The following EIF2AK4 variants were observed in gnomAD, a reference collection of about 807,000 sequenced individuals.
EIF2AK4 encodes the protein eIF-2-alpha kinase GCN2.
Under a neutral mutation model 211.1 loss-of-function variants are expected in EIF2AK4, and 139 were observed. The ratio of observed to expected loss-of-function variants is 0.66; its 90% CI spans 0.57 to 0.76. The LOEUF (loss-of-function observed/expected upper bound fraction) is 0.76, where lower values mean the gene tolerates loss of function less well. Ranked by LOEUF, EIF2AK4 falls within the 30% of genes least tolerant of loss-of-function variation. The pLI is 0.00. For missense variants in EIF2AK4, 1,664 were observed against 2,043.8 expected (o/e 0.81, Z 3.58); for synonymous variants, 710 against 751.3 (o/e 0.94, Z 0.90).
chr15:40,019,311 C>A, intron 30 of EIF2AK4, 111 bp downstream of exon 30: 3 of 793,434 alleles, frequency 3.8e-6, no homozygotes, highest in South Asian at 2.0e-5. Context: ...AAGCTATAGA[C>A]GTAGGGTTTT....
In EIF2AK4 at chr15:40,030,378, A is replaced by G; in HGVS notation, c.4581A>G (p.Gly1527=). ...TCTCAGGTTTGTTTGAAATCCATGG[A>G]GCAACAGTGGTTCCCATTGTGAGTG... ...SNASGLFEIH[G]ATVVPIVSVL... The change falls in exon 35 of 39, where the codon GGA becomes GGG. Residue 1527 remains glycine (G), a synonymous_variant. Transcript: ENST00000263791. The G allele has an allele frequency of 1.9e-6, 3 of 1,614,112 alleles. No homozygotes were observed. Among genetic ancestry groups the G allele is most frequent in the Non-Finnish European group, 1.7e-6 (2 of 1,180,026 alleles).
chr15:39,960,635 G>A (rs2034458137), intron 6 of EIF2AK4, among the ~76,000 whole-genome samples: 4 of 152,098 alleles, frequency 2.6e-5, no homozygotes, highest in African/African-American at 7.2e-5. Flanking sequence ...GGTGGTGCAG[G>A]GTTGAGGGAG....
At chr15:39,988,739 G>T (rs780184407) in intron 15 of EIF2AK4, among the ~76,000 whole-genome samples, 3 of 152,182 alleles carry the variant, frequency 2.0e-5, no homozygotes, top group Non-Finnish European at 4.4e-5. Context: ...GGTGGCTCAT[G>T]CCTGTAATCC....
chr15:39,976,932 C>T, intron 12 of EIF2AK4, 88 bp downstream of exon 12: 1 of 1,364,888 alleles, frequency 7.3e-7, no homozygotes, highest in African/African-American at 1.5e-5. Flanking sequence ...TCATTTCCTT[C>T]CTTCCTTCTT....
In EIF2AK4 at chr15:40,013,400, A is replaced by C. The variant is rs542956379; in HGVS notation, c.3759+2054A>C. On this transcript the variant is annotated intron_variant, in intron 27 of 38. Transcript: ENST00000263791. Reference sequence around the variant, plus strand: ...TCTATTAGTCTGCTGTCACACTGCTAATAAAGATATATCCGAGAGTGGGTA... The same window carrying C: ...TCTATTAGTCTGCTGTCACACTGCTCATAAAGATATATCCGAGAGTGGGTA... 1.1e-3 allele frequency among the ~76,000 whole-genome samples: 174 copies of C among 152,306 alleles called. No individual in the cohort carries two copies. The Middle Eastern group carries it at 0.017, about 15-fold the overall frequency.
At chr15:39,990,159 T>C (rs1293647131) in intron 15 of EIF2AK4, 114 bp from the exon 16 acceptor site, 20 of 947,050 alleles carry the variant, frequency 2.1e-5, no homozygotes, top group Non-Finnish European at 2.5e-5. Flanking sequence ...CAGGGTGGTC[T>C]GTGGGAGAAG....
At chr15:39,973,217 G>A (rs1400099187) in intron 10 of EIF2AK4, among the ~76,000 whole-genome samples, 1 of 152,158 alleles carries the variant, frequency 6.6e-6, no homozygotes, top group Non-Finnish European at 1.5e-5. Flanking sequence ...TGGAATGAAT[G>A]TCCATTGCTG....
chr15:40,006,492 G>A (rs73388599), intron 23 of EIF2AK4, among the ~76,000 whole-genome samples: 3,964 of 152,178 alleles, frequency 0.026, 184 homozygotes, highest in African/African-American at 0.091. Context: ...GCCCATCAGT[G>A]GTAATGATAC....
At chr15:39,950,030 T>C (rs1247557011) in intron 4 of EIF2AK4, among the ~76,000 whole-genome samples, 3 of 152,014 alleles carry the variant, frequency 2.0e-5, no homozygotes, top group Non-Finnish European at 4.4e-5. Flanking sequence ...TTTTAAATTT[T>C]TTATTTGTTT....
intron 16 of EIF2AK4, chr15:39,991,840 GT>G (rs2034948705): frequency 5.6e-6 from 1 of 179,074 alleles, no homozygotes; most frequent in Non-Finnish European, 1.2e-5. Context: ...TGAATTTGTT[GT>G]TTTTAATATA....
chr15:40,035,045 G>A lies in EIF2AK4; in HGVS notation c.4911G>A (p.Leu1637=), dbSNP rs780868521. ...TTTGCAGGGTGTCTGTGCTATTTCT[G>A]TACAGCTATAGAGATGACTACTACA... ...KVEKKVSVLF[L]YSYRDDYYRI... Residue 1637 remains leucine, a synonymous_variant, in exon 39 of 39, where the codon CTG becomes CTA. Coordinates refer to ENST00000263791, the MANE Select transcript of EIF2AK4 (RefSeq NM_001013703.4). The A allele has an allele frequency of 6.3e-7, 1 of 1,582,576 alleles. No homozygotes were observed. The highest frequency in any genetic ancestry group is 1.1e-5 in the South Asian group (1 of 87,712).
intron 7 of EIF2AK4, among the ~76,000 whole-genome samples, chr15:39,962,699 G>A (rs931471335): frequency 2.6e-5 from 4 of 152,150 alleles, no homozygotes; most frequent in Non-Finnish European, 1.5e-5. Flanking sequence ...TGACCAAGAA[G>A]ACCACCTTAT....
Position 39,978,161 on chromosome 15 carries a change from T to A in EIF2AK4, c.2319+14T>A, listed in dbSNP as rs1271386374. On this transcript the variant is annotated intron_variant, in intron 13 of 38. Coordinates refer to ENST00000263791, the MANE Select transcript of EIF2AK4 (RefSeq NM_001013703.4). ...AGTCAGAATCAGGTATATATATGAA[T>A]AGAAATTATATCATTTTATTCGTGA... 8.8e-6 allele frequency: 11 copies of A among 1,256,248 alleles called. No individual in the cohort carries two copies. The highest frequency in any genetic ancestry group is 7.0e-5 in the South Asian group (5 of 71,348). 77.8% of individuals were successfully genotyped at this position (1,256,248 alleles called of 1,614,324 possible).
At chr15:39,997,302 G>A (rs2035030828) in intron 19 of EIF2AK4, among the ~76,000 whole-genome samples, 1 of 152,068 alleles carries the variant, frequency 6.6e-6, no homozygotes, top group African/African-American at 2.4e-5. Flanking sequence ...AGCAGTTTTG[G>A]GAGCCAAAGA....
chr15:39,953,325 T>C (rs2034345757), intron 4 of EIF2AK4, among the ~76,000 whole-genome samples: 1 of 152,228 alleles, frequency 6.6e-6, no homozygotes, highest in South Asian at 2.1e-4. Context: ...CTTAATAGTT[T>C]TGATAATTAT....
rs2042580948 is a variant in EIF2AK4, at chr15:40,018,978, T to C, written c.4066-115T>C. 35 of 751,938 alleles carry C rather than the reference T, an allele frequency of 4.7e-5. 1 individual carries two copies. In the South Asian group the frequency reaches 5.9e-4, roughly 13 times the overall value. The allele number at this position is 751,938 out of a possible 1,614,324, so 46.6% of individuals were successfully genotyped here. A position where few individuals can be genotyped will look rare whatever the true frequency, so the allele number is the denominator to read the frequency against. ...TACTACACACACACATTTCTTTTTG[T>C]TGAACTCTTTGATGATGAGCTGCTG... is the stretch of plus-strand genomic sequence containing the variant. On this transcript the variant is annotated intron_variant, in intron 29 of 38. Coordinates refer to ENST00000263791, the MANE Select transcript of EIF2AK4 (RefSeq NM_001013703.4).
rs542686872 is a variant in EIF2AK4 at position 40,008,482 on chromosome 15, C to T, written c.3576+287C>T. 2.0e-5 allele frequency among the ~76,000 whole-genome samples: 3 copies of T among 152,210 alleles called. No homozygotes were observed. The South Asian group carries it at 6.2e-4, about 32-fold the overall frequency. The stretch of plus-strand genomic sequence containing the variant: ...CTAAGATGCTCTTAGCCTGTTCATA[C>T]CCTGTTTGGAACCCTCAGTGGCTCT... On this transcript the variant is annotated intron_variant, in intron 25 of 38. Coordinates refer to ENST00000263791, the MANE Select transcript of EIF2AK4 (RefSeq NM_001013703.4).
intron 5 of EIF2AK4, 145 bp from the exon 6 acceptor site, chr15:39,955,475 A>G: frequency 1.3e-6 from 1 of 770,732 alleles, no homozygotes; most frequent in South Asian, 2.0e-5. Context: ...GCTATTTTAA[A>G]CGATTAAAAG....
rs8030687 is a variant in EIF2AK4 at position 39,973,387 on chromosome 15, C to T, written c.1661-205C>T. On this transcript the variant is annotated intron_variant, in intron 10 of 38. Transcript: ENST00000263791. ...GTCACTTATTCTATATAATCCCCCACCTGTAAACTTGGGCTAATTATATAT... is the reference window on the plus strand; with the variant it reads ...GTCACTTATTCTATATAATCCCCCATCTGTAAACTTGGGCTAATTATATAT... Among the ~76,000 whole-genome samples the T allele has an allele frequency of 0.3, 46,014 of 152,092 alleles. 7,073 individuals carry two copies. Among genetic ancestry groups the T allele is most frequent in the African/African-American group, 0.35 (14,433 of 41,466 alleles).
Sources: allele counts gnomAD v4.1 joint callset (sites outside exome capture counted in the v4.1 genomes callset), GRCh38; gene constraint gnomAD v4.1.1; transcripts MANE v1.5; gene names NCBI Gene and HGNC (gene_info 2026-07-23, HGNC 2026-07-21).